The following ASTN2 variants were observed in gnomAD, a reference collection of about 807,000 sequenced individuals.
The protein encoded by ASTN2 is astrotactin-2.
In ASTN2, 54 loss-of-function variants were observed where a neutral mutation model predicts 139.8. The ratio of observed to expected loss-of-function variants is 0.39; its 90% CI spans 0.31 to 0.48. The LOEUF (loss-of-function observed/expected upper bound fraction) is 0.48. Among genes scored for constraint, ASTN2 ranks in the 20% least tolerant of loss-of-function variants. ASTN2 has a pLI of 0.95. For synonymous variants in ASTN2, 756 were observed against 719.5 expected, an observed-to-expected ratio of 1.05 and a Z score of -0.81; for missense variants, 1,565 against 1,725.1, an observed-to-expected ratio of 0.91 and a Z score of 1.64.
At chr9:117,178,903 G>A (rs566258221) in intron 3 of ASTN2, among the ~76,000 whole-genome samples, 1 of 152,334 alleles carries the variant, frequency 6.6e-6, no homozygotes, top group South Asian at 2.1e-4. Flanking sequence ...CTCTGTGGGA[G>A]GCTGCTGACT....
intron 3 of ASTN2, among the ~76,000 whole-genome samples, chr9:117,173,795 TA>T (rs1245455867): frequency 6.6e-6 from 1 of 151,366 alleles, no homozygotes; most frequent in African/African-American, 2.4e-5. Flanking sequence ...TTTAAGAAGT[TA>T]AAAAAGAATG....
At chr9:117,046,699 T>A (rs1241320485) in intron 5 of ASTN2, among the ~76,000 whole-genome samples, 1 of 152,182 alleles carries the variant, frequency 6.6e-6, no homozygotes, top group Non-Finnish European at 1.5e-5. Context: ...TGCCTTTAAT[T>A]GGGAATTAGT....
At chr9:116,525,398 G>A in intron 19 of ASTN2, among the ~76,000 whole-genome samples, 1 of 152,192 alleles carries the variant, frequency 6.6e-6, no homozygotes, top group East Asian at 1.9e-4. Flanking sequence ...GGAAGATGTG[G>A]CATAGGAGGA....
At chr9:116,957,481 A>G (rs923497190) in intron 10 of ASTN2, among the ~76,000 whole-genome samples, 1 of 152,232 alleles carries the variant, frequency 6.6e-6, no homozygotes, top group Non-Finnish European at 1.5e-5. Flanking sequence ...TAATGTTTTT[A>G]CAGCAAGAGA....
At chr9:117,375,373 G>A (rs1227889916) in intron 1 of ASTN2, among the ~76,000 whole-genome samples, 4 of 152,182 alleles carry the variant, frequency 2.6e-5, no homozygotes, top group Non-Finnish European at 5.9e-5. Context: ...TGGCACAAAA[G>A]CCCATGTTTT....
intron 1 of ASTN2, among the ~76,000 whole-genome samples, chr9:117,309,649 A>G (rs73655689): frequency 0.012 from 1,775 of 152,298 alleles, 34 homozygotes; most frequent in African/African-American, 0.04. Context: ...AGATAAGCCA[A>G]CTGAGGCCAA....
At position 116,879,629 on chromosome 9, in the gene ASTN2, T is replaced by C. The variant is rs544079584; in HGVS notation, c.1890-15896A>G. On this transcript the variant is annotated intron_variant, in intron 10 of 22. Coordinates refer to ENST00000313400, the MANE Select transcript of ASTN2 (RefSeq NM_001365068.1). ...GGGTTCTGCCATGCTCACTGAAGTC[T>C]AGTGCCTTAAACAGAGGGTCTGGAA... 5.3e-5 allele frequency among the ~76,000 whole-genome samples: 8 copies of C among 152,342 alleles called. No homozygotes were observed. The South Asian group carries it at 1.4e-3, about 28-fold the overall frequency.
intron 2 of ASTN2, among the ~76,000 whole-genome samples, chr9:117,255,429 C>A (rs1249539495): frequency 6.6e-6 from 1 of 152,220 alleles, no homozygotes; most frequent in Non-Finnish European, 1.5e-5. Flanking sequence ...TTGTGTTACA[C>A]CCATTTTACA....
intron 1 of ASTN2, among the ~76,000 whole-genome samples, chr9:117,400,123 G>GA (rs1226380067): frequency 6.6e-6 from 1 of 152,168 alleles, no homozygotes; most frequent in African/African-American, 2.4e-5. Context: ...CTGCTTTCCT[G>GA]AAAGAGACTT....
At chr9:117,137,555 G>C (rs1444672482) in intron 4 of ASTN2, among the ~76,000 whole-genome samples, 1 of 152,050 alleles carries the variant, frequency 6.6e-6, no homozygotes, top group Non-Finnish European at 1.5e-5. Context: ...TGTTCCAATG[G>C]GAGAAATAAG....
intron 19 of ASTN2, among the ~76,000 whole-genome samples, chr9:116,603,067 G>A (rs936243351): frequency 1.3e-5 from 2 of 152,200 alleles, no homozygotes; most frequent in South Asian, 2.1e-4. Context: ...CTGTAGCTGC[G>A]TGACTGTACC....
At chr9:117,002,411 C>T (rs1837217337) in intron 7 of ASTN2, among the ~76,000 whole-genome samples, 1 of 152,036 alleles carries the variant, frequency 6.6e-6, no homozygotes, top group Non-Finnish European at 1.5e-5. Context: ...GGTGAAACTA[C>T]ATGGGAATGT....
chr9:116,750,543 A>ACTCTCT (rs71379224), intron 13 of ASTN2, among the ~76,000 whole-genome samples: 1 of 150,544 alleles, frequency 6.6e-6, no homozygotes, highest in Non-Finnish European at 1.5e-5. Context: ...TTCCTTGTTC[A>ACTCTCT]CTCTCTCTCT....
intron 10 of ASTN2, among the ~76,000 whole-genome samples, chr9:116,873,962 T>C (rs1486376762): frequency 6.6e-6 from 1 of 152,168 alleles, no homozygotes; most frequent in Non-Finnish European, 1.5e-5. Flanking sequence ...CAATGAAACC[T>C]CTTATCTTTA....
intron 1 of ASTN2, among the ~76,000 whole-genome samples, chr9:117,302,207 G>C (rs1252999775): frequency 1.3e-5 from 2 of 152,014 alleles, no homozygotes; most frequent in East Asian, 3.9e-4. Flanking sequence ...CTTGTCCCCA[G>C]TGCCCCGTAA....
chr9:116,626,512 T>C (rs557875039), intron 17 of ASTN2, among the ~76,000 whole-genome samples: 17 of 152,132 alleles, frequency 1.1e-4, no homozygotes, highest in African/African-American at 4.1e-4. Flanking sequence ...CAGAAATGCA[T>C]CTCTTTTGGT....
intron 12 of ASTN2, among the ~76,000 whole-genome samples, chr9:116,813,862 C>T (rs1006380795): frequency 1.3e-5 from 2 of 151,834 alleles, no homozygotes; most frequent in African/African-American, 4.8e-5. Flanking sequence ...TGGCGAAACC[C>T]CATCTCTACT....
chr9:116,956,220 C>T (rs1835704132), intron 10 of ASTN2, among the ~76,000 whole-genome samples: 1 of 150,586 alleles, frequency 6.6e-6, no homozygotes, highest in African/African-American at 2.4e-5. Flanking sequence ...CTCAGCCTCC[C>T]AAGTAGCTGG....
intron 1 of ASTN2, among the ~76,000 whole-genome samples, chr9:117,366,329 A>G (rs1178183065): frequency 2.6e-5 from 4 of 152,136 alleles, no homozygotes; most frequent in African/African-American, 7.2e-5. Context: ...GCACTTTCCA[A>G]TGTACAGATC....
Sources: allele counts gnomAD v4.1 joint callset (sites outside exome capture counted in the v4.1 genomes callset), GRCh38; gene constraint gnomAD v4.1.1; transcripts MANE v1.5; gene names NCBI Gene and HGNC (gene_info 2026-07-23, HGNC 2026-07-21).